GALNT13: variants seen among roughly 807,000 people sequenced by gnomAD.
GALNT13 encodes polypeptide N-acetylgalactosaminyltransferase 13, also known as UDP-GalNAc:polypeptide N-acetylgalactosaminyltransferase 13.
In GALNT13, 28 loss-of-function variants were observed where a neutral mutation model predicts 64.2. The observed-to-expected ratio is 0.44, with a 90% CI of 0.32 to 0.60. The LOEUF (loss-of-function observed/expected upper bound fraction) is 0.60. Among genes scored for constraint, GALNT13 ranks in the 20% least tolerant of loss-of-function variants. The probability of loss-of-function intolerance (pLI) is 0.05; values close to 1 mark genes in which losing one functional copy is unlikely to be tolerated. For missense variants in GALNT13, 577 were observed against 669.8 expected (o/e 0.86, Z 1.53); for synonymous variants, 214 against 224.6 (o/e 0.95, Z 0.42).
At chr2:154,049,594 T>C (rs1422283136) in intron 3 of GALNT13, among the ~76,000 whole-genome samples, 1 of 150,436 alleles carries the variant, frequency 6.6e-6, no homozygotes, top group African/African-American at 2.4e-5. Flanking sequence ...ATTCAGGGAA[T>C]ACACCACATA....
intron 4 of GALNT13, among the ~76,000 whole-genome samples, chr2:154,146,945 G>A (rs980494224): frequency 8.6e-5 from 13 of 151,902 alleles, no homozygotes; most frequent in African/African-American, 2.9e-4. Flanking sequence ...GAAGGTCTCC[G>A]TTCATGTGAA....
the GALNT13 span, among the ~76,000 whole-genome samples, chr2:153,282,524 C>A: frequency 1.3e-5 from 2 of 152,176 alleles, no homozygotes; most frequent in Non-Finnish European, 2.9e-5. Flanking sequence ...AGGTGATCTT[C>A]CCACTTCAGC....
intron 4 of GALNT13, among the ~76,000 whole-genome samples, chr2:154,169,460 C>T (rs905858799): frequency 2.0e-5 from 3 of 152,166 alleles, no homozygotes; most frequent in Non-Finnish European, 4.4e-5. Context: ...CCAGCAGCAG[C>T]ATACCACTGA....
At chr2:153,109,192 T>G in the GALNT13 span, among the ~76,000 whole-genome samples, 1 of 152,144 alleles carries the variant, frequency 6.6e-6, no homozygotes, top group Non-Finnish European at 1.5e-5. Flanking sequence ...GACTTCATTC[T>G]AAAGATGAAA....
chr2:153,246,024 T>C, the GALNT13 span, among the ~76,000 whole-genome samples: 8 of 151,896 alleles, frequency 5.3e-5, no homozygotes, highest in South Asian at 1.2e-3. Context: ...AATAGCTTAA[T>C]TGATCAAGCA....
chr2:153,580,301 T>C, the GALNT13 span, among the ~76,000 whole-genome samples: 1 of 151,870 alleles, frequency 6.6e-6, no homozygotes, highest in Non-Finnish European at 1.5e-5. Context: ...ATTTCTAGAA[T>C]ACCCAACTTG....
intron 4 of GALNT13, among the ~76,000 whole-genome samples, chr2:154,158,403 T>C (rs555339771): frequency 1.3e-5 from 2 of 152,316 alleles, no homozygotes; most frequent in East Asian, 1.9e-4. Flanking sequence ...CCTGCTACTA[T>C]TAATATTTTA....
At chr2:153,811,210 G>A in the GALNT13 span, among the ~76,000 whole-genome samples, 6 of 152,074 alleles carry the variant, frequency 3.9e-5, no homozygotes, top group Non-Finnish European at 5.9e-5. Flanking sequence ...TCAAAATCCA[G>A]GTCTTTTTAT....
the GALNT13 span, among the ~76,000 whole-genome samples, chr2:153,538,326 C>CTTTTTTTTTTTTTTTTTT: frequency 2.0e-5 from 2 of 100,844 alleles, no homozygotes; most frequent in Admixed American, 9.5e-5. Flanking sequence ...TTTTTTAATT[C>CTTTTTTTTTTTTTTTTTT]TTTTTTTTTT....
chr2:153,554,658 G>GT, the GALNT13 span, among the ~76,000 whole-genome samples: 1 of 142,440 alleles, frequency 7.0e-6, no homozygotes, highest in African/African-American at 2.7e-5. Flanking sequence ...TGCTGTATAT[G>GT]TGTGTGTGTG....
intron 4 of GALNT13, among the ~76,000 whole-genome samples, chr2:154,167,137 A>G (rs1355952966): frequency 6.6e-6 from 1 of 152,178 alleles, no homozygotes; most frequent in Non-Finnish European, 1.5e-5. Context: ...AATAAAAATG[A>G]AAATAAAATT....
the GALNT13 span, among the ~76,000 whole-genome samples, chr2:153,524,340 G>A: frequency 2.2e-5 from 3 of 133,428 alleles, no homozygotes; most frequent in African/African-American, 8.6e-5. Context: ...TTTTTTTTTG[G>A]TGGAGCAAGA....
At chr2:153,511,292 A>AG in the GALNT13 span, among the ~76,000 whole-genome samples, 4 of 151,386 alleles carry the variant, frequency 2.6e-5, no homozygotes, top group African/African-American at 7.3e-5. Flanking sequence ...CAAAAAAAAA[A>AG]GGGGCGGGGG....
the GALNT13 span, among the ~76,000 whole-genome samples, chr2:153,769,350 G>T: frequency 6.6e-6 from 1 of 152,208 alleles, no homozygotes. Flanking sequence ...GGTTAGTGTG[G>T]CAGGATACAA....
At chr2:153,536,099 C>G in the GALNT13 span, among the ~76,000 whole-genome samples, 77 of 152,240 alleles carry the variant, frequency 5.1e-4, 1 homozygote, top group East Asian at 0.012. Flanking sequence ...GAATAGAGTA[C>G]GCTGACATGT....
the GALNT13 span, among the ~76,000 whole-genome samples, chr2:153,589,722 G>C: frequency 9.2e-5 from 14 of 152,264 alleles, no homozygotes; most frequent in African/African-American, 3.4e-4. Flanking sequence ...TTAAGCAGGG[G>C]AACTCTGCTT....
chr2:153,648,635 G>T, the GALNT13 span, among the ~76,000 whole-genome samples: 1 of 152,096 alleles, frequency 6.6e-6, no homozygotes, highest in African/African-American at 2.4e-5. Flanking sequence ...TTTGAGATAC[G>T]TCCCATCAAT....
chr2:153,465,674 T>C, the GALNT13 span, among the ~76,000 whole-genome samples: 1 of 151,862 alleles, frequency 6.6e-6, no homozygotes, highest in Non-Finnish European at 1.5e-5. Context: ...AGTCTTTGAA[T>C]TTATAGAAAG....
the GALNT13 span, among the ~76,000 whole-genome samples, chr2:153,083,636 T>C: frequency 6.6e-6 from 1 of 152,240 alleles, no homozygotes; most frequent in Non-Finnish European, 1.5e-5. Flanking sequence ...TTCTGGATAT[T>C]AGTCCTTTGT....
Sources: gnomAD v4.1 joint callset for allele counts (sites outside exome capture counted in the v4.1 genomes callset) on GRCh38, gnomAD v4.1.1 for gene constraint, MANE v1.5 for transcripts, NCBI Gene and HGNC (gene_info 2026-07-23, HGNC 2026-07-21) for gene names.